RBFOX1: variants seen among roughly 807,000 people sequenced by gnomAD.
The protein encoded by RBFOX1 is RNA binding fox-1 homolog 1.
In RBFOX1, 8 loss-of-function variants were observed where a neutral mutation model predicts 57.7. The ratio of observed to expected loss-of-function variants is 0.14; its 90% CI spans 0.08 to 0.25. The LOEUF is 0.25. RBFOX1 is among the 10% of genes least tolerant of loss of function. RBFOX1 has a pLI of 1.00. For missense variants in RBFOX1, 611 were observed against 548.5 expected (o/e 1.11, Z -1.14); for synonymous variants, 326 against 222.4 (o/e 1.47, Z -4.15).
At chr16:7,351,804 G>C (rs552928090) in intron 4 of RBFOX1, among the ~76,000 whole-genome samples, 4 of 152,244 alleles carry the variant, frequency 2.6e-5, no homozygotes, top group Non-Finnish European at 4.4e-5. Flanking sequence ...CTGTTTCTGG[G>C]AGTGCCATGG....
intron 4 of RBFOX1, among the ~76,000 whole-genome samples, chr16:7,452,552 G>C (rs996560805): frequency 2.0e-5 from 3 of 152,062 alleles, no homozygotes. Flanking sequence ...TCAGATCCGG[G>C]GTCTTACCTG....
At chr16:5,294,551 C>A (rs1246348118) in intron 1 of RBFOX1, among the ~76,000 whole-genome samples, 1 of 152,198 alleles carries the variant, frequency 6.6e-6, no homozygotes, top group Non-Finnish European at 1.5e-5. Flanking sequence ...AGGTAGCTCC[C>A]CATCTCCAAC....
At chr16:7,188,512 C>CTGTG in intron 4 of RBFOX1, among the ~76,000 whole-genome samples, 1 of 152,118 alleles carries the variant, frequency 6.6e-6, no homozygotes, top group South Asian at 2.1e-4. Flanking sequence ...AAATGTTTTG[C>CTGTG]TGTGTGTGTG....
At chr16:6,924,248 C>G (rs572755985) in intron 3 of RBFOX1, among the ~76,000 whole-genome samples, 1 of 152,152 alleles carries the variant, frequency 6.6e-6, no homozygotes, top group South Asian at 2.1e-4. Flanking sequence ...GTTTATTTGA[C>G]TCACAGTTCT....
intron 7 of RBFOX1, among the ~76,000 whole-genome samples, chr16:7,590,635 G>A (rs530074379): frequency 1.8e-4 from 28 of 152,056 alleles, no homozygotes; most frequent in African/African-American, 2.4e-4. Context: ...CGAGGCAGGC[G>A]GATCACCTGA....
chr16:5,627,899 G>T (rs981288750), intron 3 of RBFOX1, among the ~76,000 whole-genome samples: 1 of 152,278 alleles, frequency 6.6e-6, no homozygotes, highest in East Asian at 1.9e-4. Context: ...GGGGGTCCTG[G>T]AACAAATCCC....
At chr16:6,902,722 G>C (rs1261161361) in intron 3 of RBFOX1, among the ~76,000 whole-genome samples, 3 of 152,152 alleles carry the variant, frequency 2.0e-5, no homozygotes, top group East Asian at 1.9e-4. Context: ...ACTCCATGTA[G>C]AGAACAGGAA....
chr16:6,348,882 T>G (rs959778969), intron 2 of RBFOX1, among the ~76,000 whole-genome samples: 2 of 152,138 alleles, frequency 1.3e-5, no homozygotes, highest in African/African-American at 2.4e-5. Context: ...CCATATCAGA[T>G]GGCAACCCAG....
At chr16:6,310,185 C>T (rs183395824) in intron 1 of RBFOX1, among the ~76,000 whole-genome samples, 34 of 152,242 alleles carry the variant, frequency 2.2e-4, no homozygotes, top group African/African-American at 4.1e-4. Flanking sequence ...CACACCCAGC[C>T]GCTTATTGCC....
intron 3 of RBFOX1, among the ~76,000 whole-genome samples, chr16:5,667,094 C>T (rs960698292): frequency 2.0e-5 from 3 of 152,178 alleles, no homozygotes; most frequent in Non-Finnish European, 4.4e-5. Flanking sequence ...CCCTATTTCA[C>T]TATTATTTAT....
chr16:6,984,031 T>G (rs2089646394), intron 3 of RBFOX1, among the ~76,000 whole-genome samples: 1 of 152,154 alleles, frequency 6.6e-6, no homozygotes, highest in South Asian at 2.1e-4. Context: ...GCAGATCACC[T>G]GAGGTCAGGA....
intron 2 of RBFOX1, among the ~76,000 whole-genome samples, chr16:5,491,440 C>T (rs2042825045): frequency 6.6e-6 from 1 of 152,154 alleles, no homozygotes; most frequent in South Asian, 2.1e-4. Context: ...AGAATGCATA[C>T]ATATATTCAC....
At chr16:6,773,883 T>A (rs1228703997) in intron 3 of RBFOX1, 1 of 891,738 alleles carries the variant, frequency 1.1e-6, no homozygotes, top group East Asian at 1.2e-4. Flanking sequence ...TTTGTCTGTG[T>A]GTATTTGTGT....
intron 1 of RBFOX1, among the ~76,000 whole-genome samples, chr16:6,054,062 AG>A (rs1567342465): frequency 6.6e-6 from 1 of 152,194 alleles, no homozygotes; most frequent in African/African-American, 2.4e-5. Flanking sequence ...AAAGAAAAAA[AG>A]AAATTAAATT....
intron 3 of RBFOX1, among the ~76,000 whole-genome samples, chr16:5,750,279 G>A (rs1026377323): frequency 4.6e-5 from 7 of 152,224 alleles, no homozygotes; most frequent in African/African-American, 1.7e-4. Context: ...TGCCCCTACT[G>A]TGGGGGTGCC....
chr16:5,388,775 C>T (rs2066323291), intron 1 of RBFOX1, among the ~76,000 whole-genome samples: 2 of 152,008 alleles, frequency 1.3e-5, no homozygotes, highest in South Asian at 4.2e-4. Context: ...CAGGGTTTCA[C>T]CATATTGGTC....
chr16:7,180,846 T>C (rs1364437786), intron 4 of RBFOX1, among the ~76,000 whole-genome samples: 1 of 152,240 alleles, frequency 6.6e-6, no homozygotes, highest in African/African-American at 2.4e-5. Flanking sequence ...GATTTTATGC[T>C]TAAAGCTCAT....
At position 6,439,316 on chromosome 16, in the gene RBFOX1, T is replaced by C. The variant is rs372540695; in HGVS notation, c.-64+122259T>C. Among the ~76,000 whole-genome samples the C allele has an allele frequency of 1.4e-3, 220 of 152,330 alleles. 1 individual carries two copies. Among genetic ancestry groups the C allele is most frequent in the African/African-American group, 4.9e-3 (205 of 41,580 alleles). ...ATCAAACACCATCCACCCATGTTAA[T>C]GCAGATTGTCAGGACGGCCAACCTC... is the stretch of plus-strand genomic sequence containing the variant. On this transcript the variant is annotated intron_variant, in intron 2 of 15. Transcript: ENST00000550418.
chr16:7,497,619 C>A (rs1160629009), intron 4 of RBFOX1, among the ~76,000 whole-genome samples: 1 of 152,150 alleles, frequency 6.6e-6, no homozygotes, highest in Non-Finnish European at 1.5e-5. Flanking sequence ...TACTGGGGAC[C>A]AGACACAGTG....
Sources: gnomAD v4.1 joint callset for allele counts (sites outside exome capture counted in the v4.1 genomes callset) on GRCh38, gnomAD v4.1.1 for gene constraint, MANE v1.5 for transcripts, NCBI Gene and HGNC (gene_info 2026-07-23, HGNC 2026-07-21) for gene names.